The following PLCB1 variants were observed in gnomAD, a reference collection of about 807,000 sequenced individuals.
PLCB1 encodes the protein 1-phosphatidylinositol 4,5-bisphosphate phosphodiesterase beta-1.
A neutral mutation model predicts 161.8 loss-of-function variants in PLCB1; 46 were observed. The observed-to-expected ratio is 0.28, with a 90% CI of 0.22 to 0.36. PLCB1 has a LOEUF of 0.36. PLCB1 is among the 10% of genes least tolerant of loss of function. The pLI, the probability that PLCB1 is intolerant of heterozygous loss-of-function variation, is 1.00. For synonymous variants in PLCB1, 517 were observed against 503.7 expected, an observed-to-expected ratio of 1.03 and a Z score of -0.35; for missense variants, 1,016 against 1,472.5, an observed-to-expected ratio of 0.69 and a Z score of 5.07.
intron 23 of PLCB1, chr20:8,752,427 C>CA (rs1480835324): frequency 6.6e-6 from 1 of 152,186 alleles, no homozygotes; most frequent in African/African-American, 2.4e-5. Context: ...TTGTATATAA[C>CA]AGTGTCTAAC....
intron 3 of PLCB1, among the ~76,000 whole-genome samples, chr20:8,562,491 G>A (rs1045045939): frequency 6.6e-6 from 1 of 152,096 alleles, no homozygotes; most frequent in African/African-American, 2.4e-5. Context: ...CCGGTTAAGT[G>A]TTCCTTGCTG....
At chr20:8,386,718 C>G (rs1987435362) in intron 3 of PLCB1, among the ~76,000 whole-genome samples, 1 of 152,186 alleles carries the variant, frequency 6.6e-6, no homozygotes, top group Admixed American at 6.5e-5. Flanking sequence ...TACTAGATGG[C>G]ATCATCTTCC....
chr20:8,627,556 A>G (rs764724090), intron 3 of PLCB1, among the ~76,000 whole-genome samples: 2 of 152,194 alleles, frequency 1.3e-5, no homozygotes, highest in African/African-American at 2.4e-5. Flanking sequence ...GGCCTGTCCT[A>G]TGGGAGGAAA....
intron 31 of PLCB1, among the ~76,000 whole-genome samples, chr20:8,844,592 G>A (rs1014592816): frequency 3.3e-5 from 5 of 151,988 alleles, no homozygotes; most frequent in Admixed American, 6.6e-5. Flanking sequence ...AAAAAAGGAC[G>A]GGGGAGGGGA....
chr20:8,706,585 CT>C lies in PLCB1; in HGVS notation c.1168-2078del, dbSNP rs35699280. ...TTTATGAAATAAACAAAATCCAGCC[CT>C]TTTTTTCCACACTTAGCATCCACAT... On this transcript the variant is annotated intron_variant, in intron 11 of 31. Transcript: ENST00000338037. Among the ~76,000 whole-genome samples, 4 of 152,238 alleles carry C rather than the reference CT, an allele frequency of 2.6e-5. No homozygotes were observed. The East Asian group carries it at 7.7e-4, about 29-fold the overall frequency.
At chr20:8,457,614 C>T (rs543166910) in intron 3 of PLCB1, among the ~76,000 whole-genome samples, 20 of 152,136 alleles carry the variant, frequency 1.3e-4, no homozygotes, top group African/African-American at 4.8e-4. Context: ...TTGCCCATTA[C>T]TAGGATAGAG....
In PLCB1 at chr20:8,148,255, T is replaced by C. The variant is rs543902951; in HGVS notation, c.100-2039T>C. Among the ~76,000 whole-genome samples, 3 of 152,350 alleles carry C rather than the reference T, an allele frequency of 2.0e-5. No individual in the cohort carries two copies. In the South Asian group the frequency reaches 6.2e-4, roughly 32 times the overall value. On this transcript the variant is annotated intron_variant, in intron 1 of 31. Transcript: ENST00000338037. ...GGACTGAAAATATTGCTATGATTTATTGGAAACATTGGTGTGAGCTGTTAT... is the reference window on the plus strand; with the variant it reads ...GGACTGAAAATATTGCTATGATTTACTGGAAACATTGGTGTGAGCTGTTAT...
At chr20:8,416,221 G>T (rs75970780) in intron 3 of PLCB1, among the ~76,000 whole-genome samples, 2 of 152,186 alleles carry the variant, frequency 1.3e-5, no homozygotes, top group East Asian at 3.9e-4. Flanking sequence ...GAGAAAACTT[G>T]GTCTGACAAG....
intron 3 of PLCB1, among the ~76,000 whole-genome samples, chr20:8,543,572 C>A (rs1487496417): frequency 6.9e-6 from 1 of 144,416 alleles, no homozygotes; most frequent in East Asian, 2.0e-4. Context: ...TATTGGTGCA[C>A]TTAGAATGAA....
chr20:8,477,395 A>G (rs759639338), intron 3 of PLCB1, among the ~76,000 whole-genome samples: 19 of 152,168 alleles, frequency 1.2e-4, no homozygotes, highest in Non-Finnish European at 2.5e-4. Flanking sequence ...AACCCATCCA[A>G]TGGTGGTTAC....
intron 3 of PLCB1, among the ~76,000 whole-genome samples, chr20:8,466,608 A>C (rs1020600178): frequency 6.6e-6 from 1 of 152,152 alleles, no homozygotes; most frequent in Admixed American, 6.5e-5. Flanking sequence ...AGCTAAATCC[A>C]AAGGCAACAT....
Position 8,247,411 on chromosome 20 carries a change from A to T in PLCB1, c.177+97040A>T, listed in dbSNP as rs183524502. 2.4e-4 allele frequency among the ~76,000 whole-genome samples: 36 copies of T among 152,084 alleles called. No individual in the cohort carries two copies. In the East Asian group the frequency reaches 6.8e-3, roughly 29 times the overall value. On this transcript the variant is annotated intron_variant, in intron 2 of 31. Transcript: ENST00000338037. ...GGCCTAGTGACATAGAAATGAGGGT[A>T]TCTTTAGAAATCATTAGAAATTTTA...
At chr20:8,701,221 A>G (rs1990696340) in intron 11 of PLCB1, among the ~76,000 whole-genome samples, 1 of 152,200 alleles carries the variant, frequency 6.6e-6, no homozygotes, top group South Asian at 2.1e-4. Flanking sequence ...ACAAGGCCCT[A>G]CATAATCTGC....
At chr20:8,757,245 AG>A in intron 24 of PLCB1, 67 bp downstream of exon 24, 1 of 1,491,618 alleles carries the variant, frequency 6.7e-7, no homozygotes, top group Non-Finnish European at 9.0e-7. Flanking sequence ...CCACTGACGG[AG>A]GCGCTGTGAT....
chr20:8,510,770 A>T (rs1167295882), intron 3 of PLCB1, among the ~76,000 whole-genome samples: 2 of 152,230 alleles, frequency 1.3e-5, no homozygotes, highest in African/African-American at 4.8e-5. Flanking sequence ...CATTCTGAAG[A>T]AGTAATTAAA....
At chr20:8,542,259 G>A (rs949904257) in intron 3 of PLCB1, among the ~76,000 whole-genome samples, 4 of 152,076 alleles carry the variant, frequency 2.6e-5, no homozygotes, top group African/African-American at 4.8e-5. Flanking sequence ...GCATTCCTGC[G>A]GCCTTTGTCT....
At chr20:8,809,401 A>G (rs1185585753) in intron 31 of PLCB1, among the ~76,000 whole-genome samples, 1 of 151,968 alleles carries the variant, frequency 6.6e-6, no homozygotes, top group Non-Finnish European at 1.5e-5. Flanking sequence ...TCTACTACGC[A>G]CCATCGGTAG....
At chr20:8,643,420 T>C (rs1989017237) in intron 4 of PLCB1, among the ~76,000 whole-genome samples, 1 of 152,168 alleles carries the variant, frequency 6.6e-6, no homozygotes, top group South Asian at 2.1e-4. Context: ...CCATGTTAGC[T>C]CACCTCTAGT....
chr20:8,871,388 G>A (rs937901460), intron 31 of PLCB1, among the ~76,000 whole-genome samples: 3 of 152,126 alleles, frequency 2.0e-5, no homozygotes, highest in African/African-American at 7.2e-5. Flanking sequence ...CCCAAAATAA[G>A]GATAATACTA....
Sources: allele counts gnomAD v4.1 joint callset (sites outside exome capture counted in the v4.1 genomes callset), GRCh38; gene constraint gnomAD v4.1.1; transcripts MANE v1.5; gene names NCBI Gene and HGNC (gene_info 2026-07-23, HGNC 2026-07-21).